ZRANB1: variants seen among roughly 807,000 people sequenced by gnomAD.
ZRANB1 encodes the protein ubiquitin thioesterase ZRANB1.
Under a neutral mutation model 80.5 loss-of-function variants are expected in ZRANB1, and 16 were observed. The ratio of observed to expected loss-of-function variants is 0.20; its 90% CI spans 0.13 to 0.30. The LOEUF (loss-of-function observed/expected upper bound fraction) is 0.30, where lower values mean the gene tolerates loss of function less well. Among genes scored for constraint, ZRANB1 ranks in the 10% least tolerant of loss-of-function variants. The pLI is 1.00. For synonymous variants in ZRANB1, 291 were observed against 293.1 expected, an observed-to-expected ratio of 0.99 and a Z score of 0.07; for missense variants, 576 against 862.6, an observed-to-expected ratio of 0.67 and a Z score of 4.16.
intron 1 of ZRANB1, among the ~76,000 whole-genome samples, chr10:124,944,905 T>C (rs1300720004): frequency 1.3e-5 from 2 of 152,176 alleles, no homozygotes; most frequent in Non-Finnish European, 2.9e-5. Context: ...TAGTTCTAGT[T>C]TCCTCCCATC....
At chr10:124,930,069 C>T in the ZRANB1 span, among the ~76,000 whole-genome samples, 3 of 151,876 alleles carry the variant, frequency 2.0e-5, no homozygotes, top group African/African-American at 7.3e-5. Context: ...ATCAAGCTGG[C>T]GAGTGTTCGT....
the ZRANB1 span, among the ~76,000 whole-genome samples, chr10:124,929,520 A>G: frequency 6.6e-6 from 1 of 151,498 alleles, no homozygotes; most frequent in South Asian, 2.1e-4. Flanking sequence ...TTGTCTTTTT[A>G]GTAGAGACGG....
chr10:124,975,657 C>T (rs761888126), intron 5 of ZRANB1, among the ~76,000 whole-genome samples: 7 of 152,244 alleles, frequency 4.6e-5, no homozygotes, highest in South Asian at 2.1e-4. Flanking sequence ...CATGAGCCAC[C>T]GTGCCCGGCC....
At chr10:124,970,869 T>G (rs1258097239) in intron 2 of ZRANB1, among the ~76,000 whole-genome samples, 1 of 135,630 alleles carries the variant, frequency 7.4e-6, no homozygotes, top group Admixed American at 8.2e-5. Flanking sequence ...GCAGAGTCTC[T>G]CTCTGTCACC....
chr10:124,952,154 C>G (rs1393454089), intron 1 of ZRANB1, among the ~76,000 whole-genome samples: 1 of 152,146 alleles, frequency 6.6e-6, no homozygotes. Flanking sequence ...CACACCCCAC[C>G]TCCCCATGCG....
intron 5 of ZRANB1, among the ~76,000 whole-genome samples, chr10:124,976,366 A>G (rs1267097834): frequency 2.6e-5 from 4 of 151,974 alleles, no homozygotes; most frequent in Non-Finnish European, 5.9e-5. Context: ...GGGCCTGTCT[A>G]TGTCAAGAGG....
chr10:124,963,550 G>GTTTTTTTTTTTTTTT (rs1564962032), intron 1 of ZRANB1, among the ~76,000 whole-genome samples: 4 of 75,144 alleles, frequency 5.3e-5, no homozygotes, highest in Admixed American at 1.4e-4. Context: ...TTTTTTTTTT[G>GTTTTTTTTTTTTTTT]TTTGTTTTTT....
At chr10:124,974,486 AT>A in intron 5 of ZRANB1, 88 bp downstream of exon 5, 1 of 1,347,348 alleles carries the variant, frequency 7.4e-7, no homozygotes, top group Non-Finnish European at 1.0e-6. Flanking sequence ...TATGTCAGTT[AT>A]ATTTTCTATG....
At chr10:124,978,808 T>TA (rs1430241846) in intron 5 of ZRANB1, among the ~76,000 whole-genome samples, 3 of 150,144 alleles carry the variant, frequency 2.0e-5, no homozygotes, top group African/African-American at 7.4e-5. Context: ...TTTTTTTTTT[T>TA]TTTTTTTGTA....
chr10:124,955,779 G>A (rs1435162419), intron 1 of ZRANB1, among the ~76,000 whole-genome samples: 7 of 152,164 alleles, frequency 4.6e-5, no homozygotes. Context: ...AGTGAATTGT[G>A]AGAATTTCCA....
the ZRANB1 span, among the ~76,000 whole-genome samples, chr10:124,931,775 C>CT: frequency 6.6e-6 from 1 of 152,190 alleles, no homozygotes; most frequent in African/African-American, 2.4e-5. Context: ...CCCCCACTGT[C>CT]TACATCCTTC....
intron 5 of ZRANB1, among the ~76,000 whole-genome samples, chr10:124,980,589 T>G (rs1480013696): frequency 6.6e-6 from 1 of 152,238 alleles, no homozygotes; most frequent in East Asian, 1.9e-4. Flanking sequence ...AATATACATA[T>G]TTTAATTTTA....
At chr10:124,962,340 A>AT in intron 1 of ZRANB1, 4 of 981,292 alleles carry the variant, frequency 4.1e-6, no homozygotes, top group Non-Finnish European at 4.8e-6. Context: ...CCACAGCATA[A>AT]ACCATGCTGT....
At chr10:124,967,739 C>T (rs1017739174) in intron 2 of ZRANB1, among the ~76,000 whole-genome samples, 1 of 151,950 alleles carries the variant, frequency 6.6e-6, no homozygotes, top group African/African-American at 2.4e-5. Context: ...CTGAGACAGG[C>T]CCTCAGTCTG....
At chr10:124,964,052 T>A (rs952987641) in intron 1 of ZRANB1, among the ~76,000 whole-genome samples, 5 of 152,264 alleles carry the variant, frequency 3.3e-5, no homozygotes, top group African/African-American at 1.2e-4. Flanking sequence ...ATGGGCAGTA[T>A]GCCCGTTTGT....
At chr10:124,925,129 C>T in the ZRANB1 span, among the ~76,000 whole-genome samples, 28 of 152,130 alleles carry the variant, frequency 1.8e-4, 1 homozygote, top group South Asian at 5.4e-3. Context: ...AGGCTGGTCT[C>T]GAACTCCTGA....
the ZRANB1 span, among the ~76,000 whole-genome samples, chr10:124,929,111 G>T: frequency 1.3e-5 from 2 of 152,192 alleles, no homozygotes; most frequent in Non-Finnish European, 2.9e-5. Flanking sequence ...GCTTGGAATA[G>T]GGGTATAGCA....
At chr10:124,977,711 GAAAAAAAAAAAA>G (rs752296814) in intron 5 of ZRANB1, among the ~76,000 whole-genome samples, 1 of 48,730 alleles carries the variant, frequency 2.1e-5, no homozygotes, top group Admixed American at 2.4e-4. Context: ...ACCCTGCTAA[GAAAAAAAAAAAA>G]AAAAAAAAAA....
chr10:124,941,677 A>G (rs1422735442), upstream of ZRANB1, among the ~76,000 whole-genome samples: 3 of 152,166 alleles, frequency 2.0e-5, no homozygotes, highest in African/African-American at 7.2e-5. Context: ...TATATTTTAA[A>G]TATTCAAAAT....
Sources: gnomAD v4.1 joint callset for allele counts (sites outside exome capture counted in the v4.1 genomes callset) on GRCh38, gnomAD v4.1.1 for gene constraint, MANE v1.5 for transcripts, NCBI Gene and HGNC (gene_info 2026-07-23, HGNC 2026-07-21) for gene names.